VIPR1: variants seen among roughly 807,000 people sequenced by gnomAD.
The protein encoded by VIPR1 is vasoactive intestinal peptide receptor 1.
VIPR1 carries 59 observed loss-of-function variants against 58.8 expected under a neutral mutation model. The observed-to-expected ratio is 1.00, with a 90% CI of 0.81 to 1.25. VIPR1 has a LOEUF of 1.25. Ranked by LOEUF, VIPR1 falls within the 50% of genes most tolerant of loss-of-function variation. The probability of loss-of-function intolerance (pLI) is 0.00; values close to 1 mark genes in which losing one functional copy is unlikely to be tolerated. For synonymous variants in VIPR1, 251 were observed against 242.1 expected, an observed-to-expected ratio of 1.04 and a Z score of -0.34; for missense variants, 626 against 602.7, an observed-to-expected ratio of 1.04 and a Z score of -0.40.
At chr3:42,535,586 A>G (rs113606561) in intron 12 of VIPR1, among the ~76,000 whole-genome samples, 1,965 of 152,316 alleles carry the variant, frequency 0.013, 49 homozygotes, top group African/African-American at 0.045. Context: ...GCTGGCTTAG[A>G]ATCTGCATTT....
At chr3:42,498,515 C>T (rs1009085403), upstream of VIPR1, among the ~76,000 whole-genome samples, 1 of 152,208 alleles carries the variant, frequency 6.6e-6, no homozygotes, top group Non-Finnish European at 1.5e-5. Context: ...AGGACCTGAA[C>T]TGACACACCT....
chr3:42,515,223 T>C (rs1222294482), intron 2 of VIPR1, among the ~76,000 whole-genome samples: 7 of 152,250 alleles, frequency 4.6e-5, no homozygotes, highest in Non-Finnish European at 8.8e-5. Context: ...GGGTCCCTCT[T>C]CTTGGCCCTG....
At chr3:42,532,131 TAGAG>T in intron 9 of VIPR1, 107 bp from the exon 10 acceptor site, 9 of 1,150,292 alleles carry the variant, frequency 7.8e-6, no homozygotes, top group Non-Finnish European at 1.0e-5. Flanking sequence ...AGAGGTAAGA[TAGAG>T]AGAGGGGCAG....
chr3:42,511,451 TC>T (rs1700359274), intron 1 of VIPR1, among the ~76,000 whole-genome samples: 1 of 152,026 alleles, frequency 6.6e-6, no homozygotes, highest in Non-Finnish European at 1.5e-5. Context: ...CACATGTCAA[TC>T]CCCTGGAAGA....
At chr3:42,503,448 G>A (rs1230517011) in intron 1 of VIPR1, among the ~76,000 whole-genome samples, 1 of 152,194 alleles carries the variant, frequency 6.6e-6, no homozygotes, top group Non-Finnish European at 1.5e-5. Flanking sequence ...TGTACATGGA[G>A]AGAGCTGAGC....
At chr3:42,535,262 CAG>C in intron 11 of VIPR1, 79 bp from the exon 12 acceptor site, 2 of 1,598,874 alleles carry the variant, frequency 1.3e-6, no homozygotes, top group African/African-American at 1.3e-5. Context: ...CAGGGGAACA[CAG>C]GGGCTGGAGC....
chr3:42,501,942 G>A (rs1396705319), upstream of VIPR1: 1 of 152,212 alleles, frequency 6.6e-6, no homozygotes, highest in East Asian at 1.9e-4. This position sits in a 1 kb window ranked among gnomAD's most constrained non-coding sequence, Gnocchi z 4.8. Context: ...GGTCTCCCGA[G>A]GCTTGAAGGG....
chr3:42,510,791 C>T (rs1466339575), intron 1 of VIPR1, among the ~76,000 whole-genome samples: 1 of 152,128 alleles, frequency 6.6e-6, no homozygotes, highest in Non-Finnish European at 1.5e-5. Context: ...CGGTACCCAC[C>T]CCTCCTTTCT....
upstream of VIPR1, chr3:42,502,113 C>T (rs1699889940): frequency 6.6e-6 from 1 of 152,248 alleles, no homozygotes; most frequent in Non-Finnish European, 1.5e-5. Context: ...GATCAAACAA[C>T]CCGATCTCTG....
chr3:42,503,360 A>G (rs1396480686), intron 1 of VIPR1, among the ~76,000 whole-genome samples: 2 of 152,124 alleles, frequency 1.3e-5, no homozygotes, highest in African/African-American at 4.8e-5. Context: ...GAGCAAAGCA[A>G]AAAGGTACCA....
intron 2 of VIPR1, chr3:42,516,912 T>G (rs1413452558): frequency 6.6e-6 from 1 of 152,274 alleles, no homozygotes; most frequent in African/African-American, 2.4e-5. Context: ...AAATGTTATA[T>G]GAATGTTTGC....
rs758388625 is a variant in VIPR1, at chr3:42,519,352, G to A, written c.292+22G>A. On this transcript the variant is annotated intron_variant, in intron 3 of 12. Coordinates refer to ENST00000325123, the MANE Select transcript of VIPR1 (RefSeq NM_004624.4). ...CAAGGTAAGACCCCTGGGTTGAAGA[G>A]GTGATGTGAGTGGGGCCGGCTGGAG... is the stretch of plus-strand genomic sequence containing the variant. 1.4e-5 allele frequency: 22 copies of A among 1,580,498 alleles called. No individual in the cohort carries two copies. In the South Asian group the frequency reaches 1.4e-4, roughly 10 times the overall value.
At chr3:42,501,658 G>T (rs1457836810), upstream of VIPR1, among the ~76,000 whole-genome samples, 3 of 152,242 alleles carry the variant, frequency 2.0e-5, no homozygotes, top group Non-Finnish European at 2.9e-5. This position sits in a 1 kb window ranked among gnomAD's most constrained non-coding sequence, Gnocchi z 4.8. Flanking sequence ...GTCACCCAGC[G>T]GCCGAGCAGC....
Position 42,536,083 on chromosome 3 carries a change from C to T in VIPR1, c.1183-7C>T. The T allele has an allele frequency of 6.3e-7, 1 of 1,590,610 alleles. No homozygotes were observed. On this transcript the variant is annotated splice_polypyrimidine_tract_variant and splice_region_variant and intron_variant, in intron 12 of 12. Transcript: ENST00000325123. ...GCAGTGGGCCTGACCACCTTCCCCT[C>T]TCCTAGGTGCAGGCGGAGCTGAGGC...
Position 42,522,115 on chromosome 3 carries a change from T to A in VIPR1, c.292+2785T>A, listed in dbSNP as rs1217806649. On this transcript the variant is annotated intron_variant, in intron 3 of 12. Transcript: ENST00000325123. The stretch of plus-strand genomic sequence containing the variant: ...TATATATATATATTTTTTTTTTTTT[T>A]TTTTTTTTTTTTTTTAGACAGCGTC... Among the ~76,000 whole-genome samples, 654 of 77,230 alleles carry A rather than the reference T, an allele frequency of 8.5e-3. 3 individuals are homozygous for A. The highest frequency in any genetic ancestry group is 0.02 in the African/African-American group (369 of 18,718). 50.7% of individuals were successfully genotyped at this position (77,230 alleles called of 152,430 possible).
intron 3 of VIPR1, among the ~76,000 whole-genome samples, chr3:42,519,920 C>G (rs188668911): frequency 6.6e-6 from 1 of 152,182 alleles, no homozygotes; most frequent in Non-Finnish European, 1.5e-5. Flanking sequence ...AAACAGCCCC[C>G]GGGGCTGCTC....
At chr3:42,505,149 GAA>G (rs1700058760) in intron 1 of VIPR1, among the ~76,000 whole-genome samples, 2 of 152,140 alleles carry the variant, frequency 1.3e-5, no homozygotes, top group Non-Finnish European at 1.5e-5. Context: ...TGACTTAGGA[GAA>G]AGAGTCCAGG....
At chr3:42,532,013 T>C in intron 9 of VIPR1, 144 bp downstream of exon 9, 2 of 990,558 alleles carry the variant, frequency 2.0e-6, no homozygotes, top group Admixed American at 2.1e-5. Context: ...TCCCCACCCC[T>C]GTCCTACCAG....
chr3:42,500,708 C>A (rs368842259), upstream of VIPR1, among the ~76,000 whole-genome samples: 3 of 152,142 alleles, frequency 2.0e-5, no homozygotes, highest in Non-Finnish European at 4.4e-5. Flanking sequence ...TAAGGAGAGA[C>A]AAAGACCCCT....
Sources: allele counts gnomAD v4.1 joint callset (sites outside exome capture counted in the v4.1 genomes callset), GRCh38; gene constraint gnomAD v4.1.1; non-coding constraint Gnocchi (gnomAD v3.1); transcripts MANE v1.5; gene names NCBI Gene and HGNC (gene_info 2026-07-23, HGNC 2026-07-21).